Variants in MET observed in about 807,000 individuals in gnomAD.
MET encodes MET proto-oncogene, receptor tyrosine kinase.
Under a neutral mutation model 133.1 loss-of-function variants are expected in MET, and 48 were observed. That is an observed-to-expected ratio of 0.36 (90% confidence interval 0.29 to 0.46). MET has a LOEUF of 0.46. MET is among the 20% of genes least tolerant of loss of function. MET has a pLI of 1.00. For missense variants in MET, 1,442 were observed against 1,695.9 expected, an observed-to-expected ratio of 0.85 and a Z score of 2.63; for synonymous variants, 628 against 616.5, an observed-to-expected ratio of 1.02 and a Z score of -0.28.
At chr7:116,764,495 A>G (rs548824068) in intron 11 of MET, among the ~76,000 whole-genome samples, 2 of 152,230 alleles carry the variant, frequency 1.3e-5, no homozygotes, top group South Asian at 2.1e-4. Flanking sequence ...ACAAAGGTTT[A>G]TGTGCAAATA....
chr7:116,793,367 G>A (rs888700380), intron 19 of MET, among the ~76,000 whole-genome samples: 1 of 151,622 alleles, frequency 6.6e-6, no homozygotes, highest in Non-Finnish European at 1.5e-5. Flanking sequence ...TAGAGACAGG[G>A]TTTCACCATG....
intron 14 of MET, among the ~76,000 whole-genome samples, chr7:116,773,097 T>A (rs933388905): frequency 2.7e-4 from 41 of 152,246 alleles, no homozygotes; most frequent in Admixed American, 2.7e-3. Flanking sequence ...TAATCTTCTT[T>A]GAACCTCCTT....
At chr7:116,716,284 GGAGAGAGAGAGAGAGAGAGA>G (rs564115135) in intron 2 of MET, among the ~76,000 whole-genome samples, 117 of 38,056 alleles carry the variant, frequency 3.1e-3, no homozygotes, top group Middle Eastern at 0.019. Flanking sequence ...AGGGAGAGAG[GGAGAGAGAGAGAGAGAGAGA>G]GAGAGAGAGA....
intron 2 of MET, among the ~76,000 whole-genome samples, chr7:116,708,767 T>C (rs764655154): frequency 1.3e-5 from 2 of 152,166 alleles, no homozygotes; most frequent in Non-Finnish European, 2.9e-5. Flanking sequence ...TTCCCTCTTC[T>C]TCCTTCTATG....
chr7:116,678,544 C>A (rs1039651764), intron 1 of MET, among the ~76,000 whole-genome samples: 25 of 151,996 alleles, frequency 1.6e-4, no homozygotes, highest in African/African-American at 5.5e-4. Context: ...AAAGCTGAGA[C>A]CTTTGAAATA....
chr7:116,754,644 A>T (rs1305764767), intron 5 of MET, among the ~76,000 whole-genome samples: 1 of 149,722 alleles, frequency 6.7e-6, no homozygotes, highest in Admixed American at 6.7e-5. Context: ...ACGTAGTGAG[A>T]CCCTGTCTCT....
intron 3 of MET, among the ~76,000 whole-genome samples, chr7:116,738,341 A>G (rs1241875488): frequency 6.6e-6 from 1 of 152,176 alleles, no homozygotes; most frequent in Non-Finnish European, 1.5e-5. Flanking sequence ...GAGAATTTGT[A>G]ATAGAAGCTT....
rs1425084051 is a variant in MET at position 116,757,763 on chromosome 7, T to C, written c.2091T>C (p.Cys697=). ...ACATTTCAATTGGTGGAAAAACATG[T>C]ACTTTAAAAAGGTGTTGTAAATTTA... ...SRHISIGGKT[C]TLKSVSNSIL... is the part of the protein sequence containing the mutation. The change falls in exon 8 of 21, where the codon TGT becomes TGC. Residue 697 remains cysteine, a synonymous_variant. Coordinates refer to ENST00000397752, the MANE Select transcript of MET (RefSeq NM_000245.4). 6.2e-7 allele frequency: 1 copy of C among 1,613,898 alleles called. No individual in the cohort carries two copies. The highest frequency in any genetic ancestry group is 2.2e-5 in the East Asian group (1 of 44,854).
At chr7:116,760,650 A>G (rs1794365410) in intron 10 of MET, among the ~76,000 whole-genome samples, 1 of 152,180 alleles carries the variant, frequency 6.6e-6, no homozygotes, top group Non-Finnish European at 1.5e-5. Context: ...CTAAAGCCAC[A>G]ATGTTCTTTA....
At chr7:116,721,429 A>T (rs1382871882) in intron 2 of MET, among the ~76,000 whole-genome samples, 1 of 152,118 alleles carries the variant, frequency 6.6e-6, no homozygotes, top group Non-Finnish European at 1.5e-5. Flanking sequence ...GATCCTTTCA[A>T]AAAACCAGCT....
At position 116,796,604 on chromosome 7, in the gene MET, T is replaced by C. The variant is rs1207133647; in HGVS notation, c.*480T>C. 4 of 292,368 alleles carry C rather than the reference T, an allele frequency of 1.4e-5. No homozygotes were observed. Among genetic ancestry groups the C allele is most frequent in the East Asian group, 1.0e-4 (2 of 19,790 alleles). 18.1% of individuals were successfully genotyped at this position (292,368 alleles called of 1,614,324 possible). On this transcript the variant is annotated 3_prime_UTR_variant, in exon 21 of 21. Coordinates refer to ENST00000397752, the MANE Select transcript of MET (RefSeq NM_000245.4). ...ATAACATTTTTCATTACTGATGGTG[T>C]CATTCACCCATTAGGTAAACATTCC...
chr7:116,689,198 T>C (rs1472721419), intron 1 of MET, among the ~76,000 whole-genome samples: 1 of 152,218 alleles, frequency 6.6e-6, no homozygotes, highest in Non-Finnish European at 1.5e-5. Flanking sequence ...TACCTTCATA[T>C]GACACTTAAA....
At chr7:116,762,040 G>A (rs1372788928) in intron 10 of MET, among the ~76,000 whole-genome samples, 3 of 152,026 alleles carry the variant, frequency 2.0e-5, no homozygotes, top group Admixed American at 1.3e-4. Flanking sequence ...AACCTTAGAT[G>A]TACCACTATG....
chr7:116,686,847 G>A (rs1208272553), intron 1 of MET, among the ~76,000 whole-genome samples: 1 of 152,184 alleles, frequency 6.6e-6, no homozygotes. Context: ...CCGTGTGTGA[G>A]TCCACTCCAC....
At chr7:116,700,935 C>T (rs371575923) in intron 2 of MET, among the ~76,000 whole-genome samples, 2 of 152,298 alleles carry the variant, frequency 1.3e-5, no homozygotes, top group African/African-American at 4.8e-5. Context: ...TAGAGCTTGA[C>T]TTTAATCATG....
intron 11 of MET, among the ~76,000 whole-genome samples, chr7:116,763,603 A>C (rs1281480342): frequency 6.6e-6 from 1 of 152,204 alleles, no homozygotes; most frequent in Non-Finnish European, 1.5e-5. Context: ...TGCTCATTAT[A>C]AGATAAAACA....
chr7:116,684,450 T>G (rs1418351074), intron 1 of MET, among the ~76,000 whole-genome samples: 1 of 152,172 alleles, frequency 6.6e-6, no homozygotes, highest in Non-Finnish European at 1.5e-5. Context: ...TACTATATAG[T>G]GTGGTAAAGG....
rs201628326 is a variant in MET, at chr7:116,700,264, C to A, written c.1180C>A (p.His394Asn). ...TCTCCAGCATTTTTACGGACCCAAT[C>A]ATGAGCACTGCTTTAATAGGGTAAG... ...RCLQHFYGPNHEHCFNRTLLR... is the reference protein window; with the variant it reads ...RCLQHFYGPNNEHCFNRTLLR... The change falls in exon 2 of 21, where the codon CAT (histidine) becomes AAT (asparagine). Residue 394 changes from histidine to asparagine, a missense_variant. His to Asn is a moderately conservative substitution (Grantham distance 68). Transcript: ENST00000397752. The A allele has an allele frequency of 6.2e-7, 1 of 1,603,508 alleles. No homozygotes were observed.
intron 5 of MET, 97 bp downstream of exon 5, chr7:116,741,122 A>T (rs1339376504): frequency 7.3e-6 from 10 of 1,361,142 alleles, no homozygotes; most frequent in Admixed American, 6.6e-5. Context: ...TTAGATACAA[A>T]TCCCACTAAT....
Sources: allele counts gnomAD v4.1 joint callset (sites outside exome capture counted in the v4.1 genomes callset), GRCh38; gene constraint gnomAD v4.1.1; transcripts MANE v1.5; gene names NCBI Gene and HGNC (gene_info 2026-07-23, HGNC 2026-07-21).